MMP2: variants seen among roughly 807,000 people sequenced by gnomAD.
The protein encoded by MMP2 is 72 kDa type IV collagenase.
In MMP2, 39 loss-of-function variants were observed where a neutral mutation model predicts 74.8. The ratio of observed to expected loss-of-function variants is 0.52; its 90% confidence interval spans 0.40 to 0.68. MMP2 has a LOEUF of 0.68. Ranked by LOEUF, MMP2 falls within the 30% of genes least tolerant of loss-of-function variation. MMP2 has a pLI of 0.00. For synonymous variants in MMP2, 367 were observed against 339.8 expected, an observed-to-expected ratio of 1.08 and a Z score of -0.88; for missense variants, 803 against 878.3, an observed-to-expected ratio of 0.91 and a Z score of 1.08.
intron 8 of MMP2, among the ~76,000 whole-genome samples, chr16:55,492,809 C>G (rs1187595236): frequency 6.6e-6 from 1 of 152,172 alleles, no homozygotes; most frequent in African/African-American, 2.4e-5. Context: ...CGCCCTGACT[C>G]TTGTGGGCAT....
intron 12 of MMP2, among the ~76,000 whole-genome samples, chr16:55,503,352 C>A (rs1596831321): frequency 1.3e-5 from 2 of 152,154 alleles, no homozygotes; most frequent in East Asian, 3.9e-4. Context: ...CCCCTGGCCC[C>A]CTGCTGATTA....
intron 8 of MMP2, 50 bp downstream of exon 8, chr16:55,492,006 C>A (rs1262060021): frequency 1.9e-6 from 3 of 1,551,616 alleles, no homozygotes; most frequent in Non-Finnish European, 2.6e-6. Context: ...GGGGGGAGGT[C>A]ATGTAGCCTG....
Position 55,500,494 on chromosome 16 carries a change from T to TACACACACACACACACACACACACAC in MMP2, c.1769+2066_1769+2091dup, listed in dbSNP as rs55996787. Among the ~76,000 whole-genome samples the TACACACACACACACACACACACACAC allele has an allele frequency of 2.0e-3, 272 of 136,262 alleles. 10 individuals are homozygous for TACACACACACACACACACACACACAC. The highest frequency in any genetic ancestry group is 0.011 in the East Asian group (45 of 4,216). The allele number at this position is 136,262 out of a possible 152,430, so 89.4% of individuals were successfully genotyped here. A position where few individuals can be genotyped will look rare whatever the true frequency, so the allele number is the denominator to read the frequency against. On this transcript the variant is annotated intron_variant, in intron 11 of 12. Coordinates refer to ENST00000219070, the MANE Select transcript of MMP2 (RefSeq NM_004530.6). Reference sequence around the variant, plus strand: ...ACATGATTGTGTGCGCATGTGCGCATACACACACACACACACACACACACA... The same window carrying TACACACACACACACACACACACACAC: ...ACATGATTGTGTGCGCATGTGCGCATACACACACACACACACACACACACACACACACACACACACACACACACACA...
chr16:55,489,957 C>G, intron 7 of MMP2, 133 bp downstream of exon 7: 2 of 1,011,154 alleles, frequency 2.0e-6, no homozygotes, highest in South Asian at 2.9e-5. Flanking sequence ...TACCCAGACC[C>G]GCCCACCTGG....
Position 55,506,101 on chromosome 16 carries a change from A to T in MMP2, c.*659A>T, listed in dbSNP as rs1048597641. The T allele has an allele frequency of 6.5e-6, 1 of 152,756 alleles. No homozygotes were observed. Among genetic ancestry groups the T allele is most frequent in the Non-Finnish European group, 1.5e-5 (1 of 68,594 alleles). 9.5% of individuals were successfully genotyped at this position (152,756 alleles called of 1,614,324 possible). A position where few individuals can be genotyped will look rare whatever the true frequency, so the allele number is the denominator to read the frequency against. On this transcript the variant is annotated 3_prime_UTR_variant, in exon 13 of 13. Coordinates refer to ENST00000219070, the MANE Select transcript of MMP2 (RefSeq NM_004530.6). Reference sequence around the variant, plus strand: ...GGTTCCCCTGTTCACTCTACTTAGCATGTCCCTACCGAGTCTCTTCTCCAC... The same window carrying T: ...GGTTCCCCTGTTCACTCTACTTAGCTTGTCCCTACCGAGTCTCTTCTCCAC...
chr16:55,505,228 C>T (rs753871490), intron 12 of MMP2, 111 bp from the exon 13 acceptor site: 10 of 938,558 alleles, frequency 1.1e-5, no homozygotes, highest in South Asian at 3.9e-5. Context: ...GCTCTCTTCT[C>T]GTTTAAAAGC....
At chr16:55,496,859 G>T (rs1294550266) in intron 9 of MMP2, 67 bp from the exon 10 acceptor site, 3 of 1,598,738 alleles carry the variant, frequency 1.9e-6, no homozygotes, top group Admixed American at 3.3e-5. Context: ...GGGTTTGGGG[G>T]TGTGTGTGGT....
At position 55,502,815 on chromosome 16, in the gene MMP2, C is replaced by T. The variant is rs14070; in HGVS notation, c.1806C>T (p.Phe602=). ...NEVKKKMDPG[F]PKLIADAWNA... ...TGAAGAAGAAAATGGATCCTGGCTT[C>T]CCCAAGCTCATCGCAGATGCCTGGA... Residue 602 remains phenylalanine, a synonymous_variant, in exon 12 of 13, where the codon TTC becomes TTT. Coordinates refer to ENST00000219070, the MANE Select transcript of MMP2 (RefSeq NM_004530.6). 0.43 allele frequency: 688,740 copies of T among 1,612,436 alleles called. 151,212 individuals carry two copies. Among genetic ancestry groups the T allele is most frequent in the Non-Finnish European group, 0.46 (539,045 of 1,178,668 alleles).
Position 55,502,858 on chromosome 16 carries a change from C to T in MMP2, c.1849C>T (p.Leu617=), listed in dbSNP as rs761093835. Residue 617 remains leucine (L), a synonymous_variant, in exon 12 of 13, where the codon CTG becomes TTG. Coordinates refer to ENST00000219070, the MANE Select transcript of MMP2 (RefSeq NM_004530.6). ...ADAWNAIPDN[L]DAVVDLQGGG... Reference sequence around the variant, plus strand: ...TGCCTGGAATGCCATCCCCGATAACCTGGATGCCGTCGTGGACCTGCAGGG... The same window carrying T: ...TGCCTGGAATGCCATCCCCGATAACTTGGATGCCGTCGTGGACCTGCAGGG... 1 of 1,614,028 alleles carries T rather than the reference C, an allele frequency of 6.2e-7. No individual in the cohort carries two copies. Among genetic ancestry groups the T allele is most frequent in the Non-Finnish European group, 8.5e-7 (1 of 1,180,040 alleles).
Position 55,479,415 on chromosome 16 carries a change from G to A in MMP2, c.-65G>A. The A allele has an allele frequency of 1.4e-6, 2 of 1,399,216 alleles. No homozygotes were observed. The allele number at this position is 1,399,216 out of a possible 1,614,324, so 86.7% of individuals were successfully genotyped here. ...CCGCGGAGCAGGCTCCAACCAGGCG[G>A]CGAGGCGGCCACACGCACCGAGCCA... is the stretch of plus-strand genomic sequence containing the variant. On this transcript the variant is annotated 5_prime_UTR_variant, in exon 1 of 13. Coordinates refer to ENST00000219070, the MANE Select transcript of MMP2 (RefSeq NM_004530.6).
At chr16:55,496,704 G>C (rs1365502731) in intron 9 of MMP2, among the ~76,000 whole-genome samples, 1 of 152,186 alleles carries the variant, frequency 6.6e-6, no homozygotes, top group Non-Finnish European at 1.5e-5. Context: ...GGAGGAGGTA[G>C]AGGGAGAGAA....
intron 1 of MMP2, among the ~76,000 whole-genome samples, chr16:55,481,334 A>AGC (rs1393956874): frequency 6.6e-6 from 1 of 152,118 alleles, no homozygotes; most frequent in African/African-American, 2.4e-5. Flanking sequence ...AAACTGTCAC[A>AGC]GCGCTGGTGG....
At chr16:55,490,472 G>A (rs867027157) in intron 7 of MMP2, among the ~76,000 whole-genome samples, 1 of 152,138 alleles carries the variant, frequency 6.6e-6, no homozygotes, top group African/African-American at 2.4e-5. Context: ...AAGCTCAGGG[G>A]AGAGAGTGAC....
In MMP2 at chr16:55,485,610, G is replaced by A. The variant is rs368282133; in HGVS notation, c.665G>A (p.Arg222His). The A allele has an allele frequency of 5.5e-5, 88 of 1,614,000 alleles. No homozygotes were observed. The highest frequency in any genetic ancestry group is 4.8e-4 in the African/African-American group (36 of 74,914). ...LWTLGEGQVV[R>H]VKYGNADGEY... ...CTTCCATGTCACTCTTTAGTGGTCC[G>A]TGTGAAGTATGGGAACGCCGATGGG... is the stretch of plus-strand genomic sequence containing the variant. Residue 222 changes from arginine (R) to histidine (H), a missense_variant, in exon 5 of 13, where the codon CGT becomes CAT. Transcript: ENST00000219070.
intron 8 of MMP2, among the ~76,000 whole-genome samples, chr16:55,492,547 A>G (rs1962437193): frequency 1.3e-5 from 2 of 151,884 alleles, no homozygotes. Flanking sequence ...GGTCCAGGTG[A>G]TATCTGAGCC....
intron 7 of MMP2, among the ~76,000 whole-genome samples, chr16:55,491,124 G>A (rs575005676): frequency 6.6e-6 from 1 of 151,386 alleles, no homozygotes; most frequent in South Asian, 2.1e-4. Context: ...GAGTGCAGTG[G>A]CATGATCTCG....
rs16955280 is a variant in MMP2, at chr16:55,502,870, G to A, written c.1861G>A (p.Val621Met). The A allele has an allele frequency of 1.2e-5, 20 of 1,613,620 alleles. No individual in the cohort carries two copies. The highest frequency in any genetic ancestry group is 1.2e-4 in the Admixed American group (7 of 60,006). ...CATCCCCGATAACCTGGATGCCGTC[G>A]TGGACCTGCAGGGCGGCGGTGAGCC... ...NAIPDNLDAVVDLQGGGHSYF... is the reference protein window; with the variant it reads ...NAIPDNLDAVMDLQGGGHSYF... Residue 621 changes from valine to methionine, a missense_variant, in exon 12 of 13, where the codon GTG becomes ATG. By Grantham distance (21) the Val-to-Met change is conservative. Transcript: ENST00000219070.
At chr16:55,501,643 G>A (rs555147599) in intron 11 of MMP2, among the ~76,000 whole-genome samples, 8 of 152,266 alleles carry the variant, frequency 5.3e-5, no homozygotes, top group African/African-American at 1.4e-4. Flanking sequence ...TTAGTTCTTC[G>A]GGGTGATGGC....
chr16:55,479,735 G>T (rs1463713605), intron 1 of MMP2, 103 bp downstream of exon 1: 38 of 1,484,328 alleles, frequency 2.6e-5, no homozygotes, highest in Non-Finnish European at 3.3e-5. Flanking sequence ...CACACAGCGT[G>T]GGGGAGGGGC....
Sources: allele counts gnomAD v4.1 joint callset (sites outside exome capture counted in the v4.1 genomes callset), GRCh38; gene constraint gnomAD v4.1.1; transcripts MANE v1.5; gene names NCBI Gene and HGNC (gene_info 2026-07-23, HGNC 2026-07-21).